The following NBR1 variants were observed in gnomAD, a reference collection of about 807,000 sequenced individuals.
NBR1 encodes the protein NBR1 autophagy cargo receptor.
In NBR1, 59 loss-of-function variants were observed where a neutral mutation model predicts 115.5. That is an observed-to-expected ratio of 0.51 (90% CI 0.41 to 0.63). The LOEUF (loss-of-function observed/expected upper bound fraction) is 0.63, where lower values mean the gene tolerates loss of function less well. Ranked by LOEUF, NBR1 falls within the 30% of genes least tolerant of loss-of-function variation. NBR1 has a pLI of 0.00. For synonymous variants in NBR1, 373 were observed against 414.7 expected (o/e 0.90, Z 1.22); for missense variants, 1,043 against 1,150.5 (o/e 0.91, Z 1.35).
At chr17:43,203,029 A>C (rs1376245721) in intron 19 of NBR1, among the ~76,000 whole-genome samples, 2 of 152,162 alleles carry the variant, frequency 1.3e-5, no homozygotes, top group Middle Eastern at 3.4e-3. Flanking sequence ...GGTGGCGGGC[A>C]CCTGTAATCC....
At chr17:43,201,241 C>T (rs552533953) in intron 17 of NBR1, among the ~76,000 whole-genome samples, 2 of 152,112 alleles carry the variant, frequency 1.3e-5, no homozygotes, top group African/African-American at 4.8e-5. Context: ...GTAAAGGCAG[C>T]AAAAACTCAA....
chr17:43,203,907 T>G, intron 20 of NBR1, 121 bp downstream of exon 20: 1 of 529,330 alleles, frequency 1.9e-6, no homozygotes, highest in Non-Finnish European at 3.2e-6. Flanking sequence ...TTAGATTTAG[T>G]CTTTAGTTAA....
intron 20 of NBR1, among the ~76,000 whole-genome samples, chr17:43,205,959 C>G (rs1405900373): frequency 6.7e-6 from 1 of 148,596 alleles, no homozygotes; most frequent in African/African-American, 2.5e-5. Flanking sequence ...GCGGGTGGAT[C>G]ATGAGGTCAG....
chr17:43,183,264 A>G (rs2056718981), intron 5 of NBR1, among the ~76,000 whole-genome samples: 1 of 151,510 alleles, frequency 6.6e-6, no homozygotes, highest in Non-Finnish European at 1.5e-5. Flanking sequence ...CTCTGTTGCC[A>G]GGCTGGAGTG....
At chr17:43,178,129 G>T in intron 3 of NBR1, 131 bp downstream of exon 3, 1 of 1,150,482 alleles carries the variant, frequency 8.7e-7, no homozygotes, top group Non-Finnish European at 1.2e-6. Context: ...TTTGATAACT[G>T]AATATTCTAA....
intron 15 of NBR1, 30 bp downstream of exon 15, chr17:43,196,621 G>A: frequency 1.4e-6 from 2 of 1,455,870 alleles, no homozygotes; most frequent in Non-Finnish European, 1.9e-6. Context: ...TAAAGTATTT[G>A]CATCCTCCCT....
Position 43,189,765 on chromosome 17 carries a change from T to C in NBR1, c.658T>C (p.Cys220Arg), listed in dbSNP as rs1224615516. The C allele has an allele frequency of 6.2e-7, 1 of 1,613,946 alleles. No homozygotes were observed. Among genetic ancestry groups the C allele is most frequent in the East Asian group, 2.2e-5 (1 of 44,888 alleles). ...QFSWHIACNNCQRRIVGVRYQ... is the reference protein window; with the variant it reads ...QFSWHIACNNRQRRIVGVRYQ... ...CAGCTGGCATATTGCTTGCAACAACTGCCAAAGAAGGATTGTTGGTGTCCG... is the reference window on the plus strand; with the variant it reads ...CAGCTGGCATATTGCTTGCAACAACCGCCAAAGAAGGATTGTTGGTGTCCG... The change falls in exon 8 of 21, where the codon TGC becomes CGC. Residue 220 changes from cysteine to arginine, a missense_variant. Physicochemically the swap from Cys to Arg is radical, Grantham distance 180 (BLOSUM62 -3). Coordinates refer to ENST00000590996, the MANE Select transcript of NBR1 (RefSeq NM_005899.5).
intron 20 of NBR1, among the ~76,000 whole-genome samples, chr17:43,206,169 C>CTCCT (rs748892280): frequency 7.0e-6 from 1 of 143,064 alleles, no homozygotes; most frequent in Non-Finnish European, 1.5e-5. Context: ...GAGCGAGACT[C>CTCCT]TGTCTCAAAA....
At chr17:43,194,671 T>C (rs1011444086) in intron 13 of NBR1, 172 bp downstream of exon 13, 9 of 764,780 alleles carry the variant, frequency 1.2e-5, no homozygotes, top group Non-Finnish European at 1.9e-5. Context: ...AAACTAGATG[T>C]TTCCTCTTTG....
chr17:43,187,991 C>T (rs566570082), intron 6 of NBR1, among the ~76,000 whole-genome samples: 16 of 149,706 alleles, frequency 1.1e-4, no homozygotes, highest in Admixed American at 4.1e-4. Context: ...CCCGGGTTCA[C>T]GCCATTCTCC....
chr17:43,192,020 C>CT (rs34920601), intron 10 of NBR1, among the ~76,000 whole-genome samples: 91,416 of 107,528 alleles, frequency 0.85, 41,533 homozygotes, highest in East Asian at 0.99. Flanking sequence ...CAGCACCCGG[C>CT]TTTTTTTTTT....
chr17:43,177,161 T>C (rs2154581942), intron 2 of NBR1, among the ~76,000 whole-genome samples: 1 of 150,938 alleles, frequency 6.6e-6, no homozygotes, highest in East Asian at 2.0e-4. Context: ...TGGTTCCAGC[T>C]ACTCCGGAGG....
At chr17:43,203,002 A>G (rs2057237237) in intron 19 of NBR1, among the ~76,000 whole-genome samples, 1 of 152,098 alleles carries the variant, frequency 6.6e-6, no homozygotes, top group Non-Finnish European at 1.5e-5. Flanking sequence ...CTAAAAATAC[A>G]AAAATTAGCC....
chr17:43,208,979 AAACAAC>A (rs1014223007), intron 20 of NBR1, among the ~76,000 whole-genome samples: 1 of 152,092 alleles, frequency 6.6e-6, no homozygotes, highest in Admixed American at 6.6e-5. Context: ...AAAACAAACA[AAACAAC>A]AACAACAACA....
At chr17:43,189,958 A>G (rs1300961396) in intron 8 of NBR1, 156 bp downstream of exon 8, 9 of 654,650 alleles carry the variant, frequency 1.4e-5, no homozygotes, top group Non-Finnish European at 2.4e-5. Context: ...CTTCACCCAC[A>G]TGCTTTGTAT....
intron 14 of NBR1, chr17:43,195,302 G>T: frequency 2.3e-6 from 1 of 437,518 alleles, no homozygotes; most frequent in South Asian, 2.5e-5. Context: ...CAGGGTTTGA[G>T]ACCAGCCTGG....
intron 3 of NBR1, 110 bp from the exon 4 acceptor site, chr17:43,179,284 C>G: frequency 1.1e-6 from 1 of 917,950 alleles, no homozygotes; most frequent in South Asian, 1.4e-5. Context: ...TATGGAAAAG[C>G]TGAACGCTTG....
rs1468655991 is a variant in NBR1 at position 43,209,997 on chromosome 17, C to T, written c.2824C>T (p.His942Tyr). ...RQLNLRLLKK[H>Y]NYNILQVVTE... ...GCTGAACCTACGGCTGCTGAAGAAA[C>T]ACAATTACAATATCCTGCAGGTTGT... Residue 942 changes from histidine (H) to tyrosine (Y), a missense_variant, in exon 21 of 21, where the codon CAC (histidine) becomes TAC (tyrosine). His to Tyr is a moderately conservative substitution (Grantham distance 83). Transcript: ENST00000590996. The T allele has an allele frequency of 3.7e-6, 6 of 1,611,920 alleles. No individual in the cohort carries two copies. Among genetic ancestry groups the T allele is most frequent in the Non-Finnish European group, 5.1e-6 (6 of 1,179,238 alleles).
chr17:43,208,163 G>A (rs1279563062), intron 20 of NBR1, among the ~76,000 whole-genome samples: 1 of 152,186 alleles, frequency 6.6e-6, no homozygotes, highest in African/African-American at 2.4e-5. Flanking sequence ...GAGAGTAGAA[G>A]TATGCCACAC....
Sources: allele counts gnomAD v4.1 joint callset (sites outside exome capture counted in the v4.1 genomes callset), GRCh38; gene constraint gnomAD v4.1.1; transcripts MANE v1.5; gene names NCBI Gene and HGNC (gene_info 2026-07-23, HGNC 2026-07-21).